KDM6A: variants seen among roughly 807,000 people sequenced by gnomAD.
KDM6A encodes the protein lysine demethylase 6A.
KDM6A carries 11 observed loss-of-function variants against 117.6 expected under a neutral mutation model. The ratio of observed to expected loss-of-function variants is 0.09; its 90% CI spans 0.06 to 0.15. The LOEUF (loss-of-function observed/expected upper bound fraction) is 0.15, where lower values mean the gene tolerates loss of function less well. Ranked by LOEUF, KDM6A falls within the 10% of genes least tolerant of loss-of-function variation. The pLI is 1.00. For synonymous variants in KDM6A, 384 were observed against 396.1 expected (o/e 0.97, Z 0.36); for missense variants, 799 against 1,077.3 (o/e 0.74, Z 3.62).
intron 4 of KDM6A, among the ~76,000 whole-genome samples, chrX:44,976,629 T>C (rs1256918634): frequency 8.9e-6 from 1 of 111,966 alleles, no homozygotes; most frequent in African/African-American, 3.2e-5. Context: ...GTTATTTTTT[T>C]CCTGAATATT....
intron 6 of KDM6A, among the ~76,000 whole-genome samples, chrX:45,023,348 G>A (rs2042244054): frequency 9.0e-6 from 1 of 111,053 alleles, no homozygotes; most frequent in Admixed American, 9.6e-5. Context: ...TTTCATAATA[G>A]ATTCCTTTTT....
At chrX:44,963,483 G>C (rs7886854) in intron 3 of KDM6A, among the ~76,000 whole-genome samples, 13,457 of 40,611 alleles carry the variant, frequency 0.33, 1,211 homozygotes, top group Non-Finnish European at 0.36. Flanking sequence ...GTGTGTGTGT[G>C]TGTCTGTCTG....
At chrX:44,880,792 A>G (rs1311761486) in intron 2 of KDM6A, among the ~76,000 whole-genome samples, 1 of 46,314 alleles carries the variant, frequency 2.2e-5, no homozygotes, top group Non-Finnish European at 3.5e-5. Flanking sequence ...TCTCCATCTC[A>G]AACAAACAAA....
At chrX:45,048,072 A>T (rs1205878466) in intron 8 of KDM6A, among the ~76,000 whole-genome samples, 1 of 103,151 alleles carries the variant, frequency 9.7e-6, no homozygotes, top group African/African-American at 3.6e-5. Context: ...AGGCAGGAGA[A>T]TCGCTTGAAC....
At chrX:45,009,292 C>T (rs2041649228) in intron 4 of KDM6A, among the ~76,000 whole-genome samples, 1 of 112,198 alleles carries the variant, frequency 8.9e-6, no homozygotes, top group Non-Finnish European at 1.9e-5. Context: ...GGGTTCCTCA[C>T]CTTTTTAGAC....
chrX:45,092,344 A>G (rs1278828452), intron 27 of KDM6A, among the ~76,000 whole-genome samples: 1 of 111,696 alleles, frequency 9.0e-6, no homozygotes, highest in African/African-American at 3.3e-5. Flanking sequence ...ATAATTGGAA[A>G]GGATTTTAAG....
intron 2 of KDM6A, among the ~76,000 whole-genome samples, chrX:44,944,870 A>G (rs1025863055): frequency 1.8e-5 from 2 of 111,444 alleles, no homozygotes; most frequent in Non-Finnish European, 1.9e-5. Context: ...ATTGAGAAAA[A>G]TGTCTTATAA....
chrX:44,875,294 G>A (rs1044195682), intron 2 of KDM6A, among the ~76,000 whole-genome samples: 1 of 111,971 alleles, frequency 8.9e-6, no homozygotes, highest in African/African-American at 3.2e-5. Context: ...GCTTGGTTTC[G>A]CAGAGTCATC....
intron 4 of KDM6A, among the ~76,000 whole-genome samples, chrX:44,983,867 A>G (rs1434689946): frequency 1.8e-5 from 2 of 109,302 alleles, no homozygotes; most frequent in African/African-American, 6.7e-5. Context: ...GCCGCAATAA[A>G]CATACATGTG....
chrX:44,878,254 C>G (rs917404985), intron 2 of KDM6A, among the ~76,000 whole-genome samples: 1 of 110,714 alleles, frequency 9.0e-6, no homozygotes, highest in Non-Finnish European at 1.9e-5. Flanking sequence ...TGTTGGTACC[C>G]AAAAAGTTTT....
In KDM6A at chrX:44,873,590, TGCC is replaced by T. The variant is rs797044622; in HGVS notation, c.48_50del (p.Ala17del). On this transcript the variant is annotated inframe_deletion, in exon 1 of 30. Coordinates refer to ENST00000611820, the MANE Select transcript of KDM6A (RefSeq NM_001291415.2). ...GAGTGTCGCTCGCTACCGCCGCCGC[TGCC>T]GCCGCCGCTTTCGGTGATGAGGAAA... The T allele has an allele frequency of 8.3e-7, 1 of 1,205,237 alleles. No individual in the cohort carries two copies.
chrX:44,951,487 G>GT (rs1258836414), intron 2 of KDM6A, among the ~76,000 whole-genome samples: 14 of 110,782 alleles, frequency 1.3e-4, no homozygotes, highest in African/African-American at 4.3e-4. Context: ...TGGGAACTTA[G>GT]TTTTTTTTGG....
intron 28 of KDM6A, among the ~76,000 whole-genome samples, chrX:45,108,368 A>G (rs1335709516): frequency 3.6e-5 from 4 of 112,012 alleles, no homozygotes; most frequent in Non-Finnish European, 7.5e-5. Flanking sequence ...CACATCTTGA[A>G]TGGTTTTAAG....
rs193013350 is a variant in KDM6A, at chrX:44,914,593, G to A, written c.225+40606G>A. Among the ~76,000 whole-genome samples the A allele has an allele frequency of 1.8e-3, 202 of 111,017 alleles. 1 individual carries two copies. Among genetic ancestry groups the A allele is most frequent in the African/African-American group, 6.5e-3 (198 of 30,532 alleles). On this transcript the variant is annotated intron_variant, in intron 2 of 29. Coordinates refer to ENST00000611820, the MANE Select transcript of KDM6A (RefSeq NM_001291415.2). ...GTGGATTCTAGGTATTCTTTGGGATGTTTCTTTTTCATATGTTCCCTGACC... is the reference window on the plus strand; with the variant it reads ...GTGGATTCTAGGTATTCTTTGGGATATTTCTTTTTCATATGTTCCCTGACC...
At chrX:45,100,994 A>T (rs1250877895) in intron 27 of KDM6A, among the ~76,000 whole-genome samples, 2 of 110,237 alleles carry the variant, frequency 1.8e-5, no homozygotes, top group Non-Finnish European at 3.8e-5. Flanking sequence ...CCAATATTTC[A>T]GTTTTTAAAT....
chrX:44,984,053 T>C (rs372046531), intron 4 of KDM6A, among the ~76,000 whole-genome samples: 2,437 of 110,191 alleles, frequency 0.022, 101 homozygotes, highest in African/African-American at 0.075. Context: ...CCTATTTCTC[T>C]ACATCCTCTC....
At chrX:44,900,453 C>A (rs1040348347) in intron 2 of KDM6A, among the ~76,000 whole-genome samples, 3 of 111,887 alleles carry the variant, frequency 2.7e-5, no homozygotes, top group Admixed American at 9.5e-5. Context: ...TCTAAAAATT[C>A]TATGATTTTA....
chrX:44,891,647 G>A (rs1459781637), intron 2 of KDM6A, among the ~76,000 whole-genome samples: 1 of 111,671 alleles, frequency 9.0e-6, no homozygotes, highest in Non-Finnish European at 1.9e-5. Flanking sequence ...TGCAGAAAGG[G>A]TACACTTGCC....
rs1370311261 is a variant in KDM6A, at chrX:45,060,592, C to T, written c.1330-17C>T. 7.7e-6 allele frequency: 8 copies of T among 1,038,454 alleles called. No individual in the cohort carries two copies. The highest frequency in any genetic ancestry group is 6.3e-5 in the Admixed American group (2 of 31,707). The allele number at this position is 1,038,454 out of a possible 1,213,427, so 85.6% of individuals were successfully genotyped here. ...ATATATAGAACCCTATTTTTGTCTT[C>T]CTTCTGTGATTCTTAGGCATGTAAA... On this transcript the variant is annotated splice_polypyrimidine_tract_variant and intron_variant, in intron 13 of 29. Coordinates refer to ENST00000611820, the MANE Select transcript of KDM6A (RefSeq NM_001291415.2).
Sources: gnomAD v4.1 joint callset for allele counts (sites outside exome capture counted in the v4.1 genomes callset) on GRCh38, gnomAD v4.1.1 for gene constraint, MANE v1.5 for transcripts, NCBI Gene and HGNC (gene_info 2026-07-23, HGNC 2026-07-21) for gene names.